Variants in CNTNAP2 observed in about 807,000 individuals in gnomAD.
CNTNAP2 encodes contactin associated protein 2.
A neutral mutation model predicts 155.2 loss-of-function variants in CNTNAP2; 98 were observed. That is an observed-to-expected ratio of 0.63 (90% CI 0.54 to 0.75). The LOEUF is 0.75. CNTNAP2 is among the 30% of genes least tolerant of loss of function. CNTNAP2 has a pLI of 0.00. For synonymous variants in CNTNAP2, 651 were observed against 631.2 expected (o/e 1.03, Z -0.47); for missense variants, 1,727 against 1,688.1 (o/e 1.02, Z -0.40).
Position 148,377,806 on chromosome 7 carries a change from C to T in CNTNAP2, c.3476-5843C>T, listed in dbSNP as rs1253132356. Among the ~76,000 whole-genome samples the T allele has an allele frequency of 2.9e-5, 2 of 67,968 alleles. 1 individual carries two copies. The highest frequency in any genetic ancestry group is 7.2e-5 in the African/African-American group (2 of 27,720). 44.6% of individuals were successfully genotyped at this position (67,968 alleles called of 152,430 possible). A position where few individuals can be genotyped will look rare whatever the true frequency, so the allele number is the denominator to read the frequency against. On this transcript the variant is annotated intron_variant, in intron 21 of 23. Transcript: ENST00000361727. ...TATGGTTCCACTTAGAAGTTTTCAA[C>T]TTTACCATGGTTCAAAAGTGATATG...
chr7:147,679,872 T>C (rs1372244234), intron 13 of CNTNAP2, among the ~76,000 whole-genome samples: 1 of 151,848 alleles, frequency 6.6e-6, no homozygotes, highest in African/African-American at 2.4e-5. Context: ...AAATCAGGAT[T>C]GAAAAAAGGA....
chr7:147,434,687 G>A (rs1797522970), intron 10 of CNTNAP2, among the ~76,000 whole-genome samples: 1 of 152,204 alleles, frequency 6.6e-6, no homozygotes, highest in Admixed American at 6.5e-5. Flanking sequence ...TTATCTAAAA[G>A]AGTGGACTAA....
chr7:147,822,853 A>G (rs1480025973), intron 13 of CNTNAP2, among the ~76,000 whole-genome samples: 2 of 152,170 alleles, frequency 1.3e-5, no homozygotes, highest in Non-Finnish European at 2.9e-5. Flanking sequence ...ACCTAGAAAA[A>G]CAATGATATG....
At chr7:148,229,998 T>C (rs181914663) in intron 20 of CNTNAP2, among the ~76,000 whole-genome samples, 3 of 152,326 alleles carry the variant, frequency 2.0e-5, no homozygotes, top group Admixed American at 2.0e-4. Context: ...GGAAATAGAA[T>C]AAATGTTTAT....
At chr7:146,788,157 C>T (rs530132823) in intron 2 of CNTNAP2, among the ~76,000 whole-genome samples, 6 of 152,282 alleles carry the variant, frequency 3.9e-5, no homozygotes, top group South Asian at 2.1e-4. Context: ...GCCCAGCAGG[C>T]GCGGGCTGGC....
At position 146,454,687 on chromosome 7, in the gene CNTNAP2, G is replaced by A. The variant is rs577841607; in HGVS notation, c.98-319584G>A. ...TTTTCATAAGGCAGCTATATTGATT[G>A]CATTGCTGAACTGTAAAAATGATTG... On this transcript the variant is annotated intron_variant, in intron 1 of 23. Transcript: ENST00000361727. Among the ~76,000 whole-genome samples, 267 of 152,010 alleles carry A rather than the reference G, an allele frequency of 1.8e-3. 1 individual carries two copies. Among genetic ancestry groups the A allele is most frequent in the African/African-American group, 5.7e-3 (236 of 41,502 alleles).
At chr7:148,266,898 T>G in intron 20 of CNTNAP2, 135 bp from the exon 21 acceptor site, 2 of 827,612 alleles carry the variant, frequency 2.4e-6, no homozygotes, top group Non-Finnish European at 2.1e-6. Context: ...GGGGTGGTGT[T>G]TTAGAGTCAG....
chr7:146,754,437 C>A (rs921771353), intron 1 of CNTNAP2, among the ~76,000 whole-genome samples: 2 of 151,854 alleles, frequency 1.3e-5, no homozygotes, highest in Non-Finnish European at 2.9e-5. Context: ...GGAAATAGAA[C>A]AAAAACATGT....
At chr7:147,963,828 A>G (rs1334012132) in intron 14 of CNTNAP2, among the ~76,000 whole-genome samples, 2 of 152,122 alleles carry the variant, frequency 1.3e-5, no homozygotes, top group Non-Finnish European at 2.9e-5. Flanking sequence ...TAGTATACCC[A>G]TGAAATTATC....
chr7:146,861,593 C>G (rs1562977137), intron 3 of CNTNAP2, among the ~76,000 whole-genome samples: 1 of 152,072 alleles, frequency 6.6e-6, no homozygotes, highest in African/African-American at 2.4e-5. Flanking sequence ...GTGAATCCAT[C>G]TCTTAGCAGG....
chr7:147,331,623 A>G (rs1438759282), intron 9 of CNTNAP2, among the ~76,000 whole-genome samples: 2 of 152,126 alleles, frequency 1.3e-5, no homozygotes, highest in African/African-American at 4.8e-5. Context: ...TGAGACTTAG[A>G]AAAAGCAGGT....
At chr7:147,964,058 G>T (rs545840402) in intron 14 of CNTNAP2, among the ~76,000 whole-genome samples, 14 of 152,234 alleles carry the variant, frequency 9.2e-5, no homozygotes, top group Non-Finnish European at 1.8e-4. Flanking sequence ...TAGGTAAAAT[G>T]AGGCCACAAG....
At chr7:147,554,175 C>T (rs1483037936) in intron 11 of CNTNAP2, among the ~76,000 whole-genome samples, 1 of 152,080 alleles carries the variant, frequency 6.6e-6, no homozygotes, top group Non-Finnish European at 1.5e-5. Flanking sequence ...TTTTCTATAA[C>T]CTAATAGTAA....
At chr7:147,049,780 G>T (rs13240988) in intron 4 of CNTNAP2, among the ~76,000 whole-genome samples, 1 of 152,166 alleles carries the variant, frequency 6.6e-6, no homozygotes, top group Non-Finnish European at 1.5e-5. Flanking sequence ...GAGAGAGAGA[G>T]AAATCACAAT....
chr7:147,604,707 C>G (rs1801028775), intron 12 of CNTNAP2, among the ~76,000 whole-genome samples: 1 of 152,150 alleles, frequency 6.6e-6, no homozygotes, highest in Admixed American at 6.6e-5. Flanking sequence ...ATGGAACCAA[C>G]CAATCCAGCA....
At chr7:147,617,253 G>C (rs544165178) in intron 12 of CNTNAP2, among the ~76,000 whole-genome samples, 1 of 152,040 alleles carries the variant, frequency 6.6e-6, no homozygotes, top group South Asian at 2.1e-4. Context: ...CTTTTATTTG[G>C]ATACACAATA....
chr7:147,743,272 TC>T (rs35891171), intron 13 of CNTNAP2, among the ~76,000 whole-genome samples: 1 of 152,022 alleles, frequency 6.6e-6, no homozygotes, highest in Non-Finnish European at 1.5e-5. Context: ...ATCCGAAATC[TC>T]CCAAATAGCA....
chr7:148,326,817 A>G (rs141974447), intron 21 of CNTNAP2, among the ~76,000 whole-genome samples: 14,855 of 150,746 alleles, frequency 0.099, 852 homozygotes, highest in African/African-American at 0.16. Flanking sequence ...GTGAGCCGAG[A>G]TCGTGCCACT....
At chr7:147,389,636 C>G (rs112444367) in intron 9 of CNTNAP2, among the ~76,000 whole-genome samples, 1 of 152,098 alleles carries the variant, frequency 6.6e-6, no homozygotes, top group Non-Finnish European at 1.5e-5. Context: ...ACAGAAATTT[C>G]AGACATGCCA....
Sources: gnomAD v4.1 joint callset for allele counts (sites outside exome capture counted in the v4.1 genomes callset) on GRCh38, gnomAD v4.1.1 for gene constraint, MANE v1.5 for transcripts, NCBI Gene and HGNC (gene_info 2026-07-23, HGNC 2026-07-21) for gene names.